Variants in PDE1C observed in about 807,000 individuals in gnomAD.
PDE1C encodes phosphodiesterase 1C.
A neutral mutation model predicts 93.1 loss-of-function variants in PDE1C; 62 were observed. That is an observed-to-expected ratio of 0.67 (90% CI 0.54 to 0.82). The LOEUF (loss-of-function observed/expected upper bound fraction) is 0.82. PDE1C is among the 40% of genes least tolerant of loss of function. PDE1C has a pLI of 0.00. For missense variants in PDE1C, 742 were observed against 884.6 expected (o/e 0.84, Z 2.04); for synonymous variants, 325 against 310.1 (o/e 1.05, Z -0.50).
intron 1 of PDE1C, among the ~76,000 whole-genome samples, chr7:32,420,928 T>C (rs989438212): frequency 6.6e-5 from 10 of 152,144 alleles, no homozygotes; most frequent in Admixed American, 1.3e-4. Flanking sequence ...GATGTGTGCA[T>C]GCTGTTTCAA....
intron 1 of PDE1C, among the ~76,000 whole-genome samples, chr7:32,365,616 C>T (rs916539493): frequency 2.0e-5 from 3 of 152,162 alleles, no homozygotes; most frequent in East Asian, 3.9e-4. Flanking sequence ...GCCCCATGGG[C>T]GGCTCCTGTG....
chr7:32,177,367 T>C (rs1272990071), intron 2 of PDE1C, among the ~76,000 whole-genome samples: 1 of 152,184 alleles, frequency 6.6e-6, no homozygotes, highest in Non-Finnish European at 1.5e-5. Context: ...TCACCATGTT[T>C]CTAGCATCTG....
chr7:32,034,317 C>T (rs1022542097), intron 2 of PDE1C, among the ~76,000 whole-genome samples: 1 of 152,060 alleles, frequency 6.6e-6, no homozygotes, highest in Admixed American at 6.5e-5. Flanking sequence ...CTACTCACAT[C>T]CCCCACTCCC....
intron 2 of PDE1C, among the ~76,000 whole-genome samples, chr7:32,193,496 C>T (rs1283913630): frequency 6.6e-6 from 1 of 152,216 alleles, no homozygotes; most frequent in African/African-American, 2.4e-5. Context: ...ATAGAATTAA[C>T]CCTACTTGGT....
intron 2 of PDE1C, among the ~76,000 whole-genome samples, chr7:31,885,112 G>A (rs1001752427): frequency 6.6e-6 from 1 of 152,040 alleles, no homozygotes; most frequent in African/African-American, 2.4e-5. Context: ...ATGGAGATCT[G>A]GTGTTTTAAT....
intron 2 of PDE1C, among the ~76,000 whole-genome samples, chr7:32,017,384 C>T (rs914307763): frequency 8.6e-5 from 13 of 152,030 alleles, no homozygotes; most frequent in African/African-American, 3.1e-4. Context: ...AGAGTTAAAA[C>T]TATAAAACTC....
the PDE1C span, among the ~76,000 whole-genome samples, chr7:31,701,906 A>C: frequency 6.6e-6 from 1 of 152,234 alleles, no homozygotes; most frequent in Non-Finnish European, 1.5e-5. Context: ...CCTAACTTTT[A>C]TGTGCAATGG....
chr7:31,842,197 ATTAG>A (rs1405353782), intron 9 of PDE1C, among the ~76,000 whole-genome samples: 1 of 152,278 alleles, frequency 6.6e-6, no homozygotes, highest in African/African-American at 2.4e-5. Context: ...GTTACATTTA[ATTAG>A]TTAATATTTT....
chr7:31,816,497 G>C (rs983254409), intron 14 of PDE1C, among the ~76,000 whole-genome samples: 2 of 151,980 alleles, frequency 1.3e-5, no homozygotes, highest in African/African-American at 2.4e-5. Context: ...GTTTTTTGGG[G>C]ATTATTTATT....
At chr7:32,154,098 A>G (rs1198177341) in intron 3 of PDE1C, among the ~76,000 whole-genome samples, 1 of 152,116 alleles carries the variant, frequency 6.6e-6, no homozygotes, top group Non-Finnish European at 1.5e-5. Context: ...TACAAAAAAT[A>G]TTTTTTAAAA....
chr7:31,768,618 T>C (rs1460587234), intron 17 of PDE1C, among the ~76,000 whole-genome samples: 1 of 152,178 alleles, frequency 6.6e-6, no homozygotes, highest in African/African-American at 2.4e-5. Flanking sequence ...TATTGAAACA[T>C]CCCGCCTTCC....
At chr7:32,398,268 G>A (rs1319179785) in intron 1 of PDE1C, among the ~76,000 whole-genome samples, 2 of 149,408 alleles carry the variant, frequency 1.3e-5, no homozygotes, top group African/African-American at 4.9e-5. Context: ...AGCCGAGATT[G>A]CGCCAGCCTG....
chr7:31,769,416 T>G (rs529653916), intron 17 of PDE1C, among the ~76,000 whole-genome samples: 1 of 152,208 alleles, frequency 6.6e-6, no homozygotes, highest in Non-Finnish European at 1.5e-5. Context: ...AATTTGTTTT[T>G]GTTTAGTTAT....
the PDE1C span, among the ~76,000 whole-genome samples, chr7:31,744,101 G>A: frequency 6.6e-6 from 1 of 152,134 alleles, no homozygotes; most frequent in Non-Finnish European, 1.5e-5. Context: ...TACATTAATG[G>A]TGCTGTAGTC....
chr7:31,809,208 T>G (rs1787250337), intron 15 of PDE1C, 100 bp from the exon 16 acceptor site: 1 of 693,244 alleles, frequency 1.4e-6, no homozygotes, highest in South Asian at 1.6e-5. Context: ...GCAGCATAAT[T>G]TTATAGTCAT....
chr7:32,210,100 T>C (rs1428851765), intron 1 of PDE1C, among the ~76,000 whole-genome samples: 2 of 152,206 alleles, frequency 1.3e-5, no homozygotes, highest in African/African-American at 4.8e-5. Context: ...CCTAGAAACC[T>C]TACCCCTAAA....
At position 32,005,578 on chromosome 7, in the gene PDE1C, A is replaced by AAAAC. The variant is rs1204630246; in HGVS notation, c.128+45975_128+45976insGTTT. Among the ~76,000 whole-genome samples the AAAAC allele has an allele frequency of 2.1e-3, 221 of 103,776 alleles. 24 individuals carry two copies. Among genetic ancestry groups the AAAAC allele is most frequent in the African/African-American group, 8.6e-3 (205 of 23,912 alleles). 68.1% of individuals were successfully genotyped at this position (103,776 alleles called of 152,430 possible). On this transcript the variant is annotated intron_variant, in intron 2 of 17. Coordinates refer to ENST00000396191, the MANE Select transcript of PDE1C (RefSeq NM_001191057.4). ...TTCAAAAAAAAAAAAAAAAAAAAAA[A>AAAAC]AAAGAATTGTGATCTGAGAAATCAC...
intron 2 of PDE1C, among the ~76,000 whole-genome samples, chr7:31,977,150 T>C (rs913499348): frequency 3.3e-5 from 5 of 152,222 alleles, no homozygotes; most frequent in African/African-American, 1.2e-4. Flanking sequence ...CAAATTCATA[T>C]GTTGATGGCA....
At chr7:32,335,904 AT>A (rs1783610355) in intron 1 of PDE1C, among the ~76,000 whole-genome samples, 1 of 151,984 alleles carries the variant, frequency 6.6e-6, no homozygotes. Context: ...AATTTTTAAA[AT>A]TTTTTGTAGA....
Sources: allele counts gnomAD v4.1 joint callset (sites outside exome capture counted in the v4.1 genomes callset), GRCh38; gene constraint gnomAD v4.1.1; transcripts MANE v1.5; gene names NCBI Gene and HGNC (gene_info 2026-07-23, HGNC 2026-07-21).